The following CAP2 variants were observed in gnomAD, a reference collection of about 807,000 sequenced individuals.
CAP2 encodes cyclase associated actin cytoskeleton regulatory protein 2.
Under a neutral mutation model 57.7 loss-of-function variants are expected in CAP2, and 24 were observed. The ratio of observed to expected loss-of-function variants is 0.42; its 90% CI spans 0.30 to 0.58. The LOEUF is 0.58. Ranked by LOEUF, CAP2 falls within the 20% of genes least tolerant of loss-of-function variation. The pLI, the probability that CAP2 is intolerant of heterozygous loss-of-function variation, is 0.22. For synonymous variants in CAP2, 194 were observed against 207.2 expected (o/e 0.94, Z 0.55); for missense variants, 501 against 590.3 (o/e 0.85, Z 1.57).
chr6:17,541,226 C>A, intron 9 of CAP2, 78 bp downstream of exon 9: 1 of 1,136,834 alleles, frequency 8.8e-7, no homozygotes, highest in Non-Finnish European at 1.3e-6. Context: ...TTACCAAGAT[C>A]TGAAGGATTT....
intron 4 of CAP2, among the ~76,000 whole-genome samples, chr6:17,493,224 A>T (rs925464159): frequency 5.3e-5 from 8 of 152,156 alleles, no homozygotes; most frequent in African/African-American, 1.9e-4. Context: ...TGCCTGTTAC[A>T]TGACACTATG....
intron 7 of CAP2, among the ~76,000 whole-genome samples, chr6:17,532,203 C>T (rs181905303): frequency 4.9e-4 from 68 of 140,046 alleles, no homozygotes; most frequent in African/African-American, 1.7e-3. Flanking sequence ...TGCAGTGGCA[C>T]GATCTGGGAT....
intron 1 of CAP2, among the ~76,000 whole-genome samples, chr6:17,412,177 C>T (rs907871251): frequency 6.6e-6 from 1 of 152,116 alleles, no homozygotes; most frequent in Non-Finnish European, 1.5e-5. Context: ...ACTGGGCTCC[C>T]TCCTGCCTCA....
At chr6:17,538,751 T>C (rs1194352112) in intron 7 of CAP2, among the ~76,000 whole-genome samples, 1 of 152,210 alleles carries the variant, frequency 6.6e-6, no homozygotes, top group Non-Finnish European at 1.5e-5. Context: ...CAGGCATATT[T>C]GGAAAATCAG....
At chr6:17,524,924 G>A (rs1414189786) in intron 7 of CAP2, among the ~76,000 whole-genome samples, 37 of 127,082 alleles carry the variant, frequency 2.9e-4, no homozygotes, top group South Asian at 7.2e-4. Flanking sequence ...TTGGAGTTTC[G>A]CTCTTGTCAC....
At chr6:17,451,717 C>T (rs757860069) in intron 3 of CAP2, among the ~76,000 whole-genome samples, 12 of 152,068 alleles carry the variant, frequency 7.9e-5, no homozygotes, top group East Asian at 1.9e-4. Context: ...TCCATATTGA[C>T]CAGGCTGCTC....
chr6:17,461,104 G>A (rs930921575), intron 3 of CAP2, among the ~76,000 whole-genome samples: 2 of 151,808 alleles, frequency 1.3e-5, no homozygotes, highest in Non-Finnish European at 2.9e-5. Context: ...AACCAAGATT[G>A]CACCACTGCA....
chr6:17,493,053 G>A (rs552610834), intron 4 of CAP2, among the ~76,000 whole-genome samples: 6 of 152,122 alleles, frequency 3.9e-5, no homozygotes, highest in African/African-American at 9.7e-5. Flanking sequence ...TTTTCTTCAC[G>A]TGTGAATAAA....
intron 11 of CAP2, among the ~76,000 whole-genome samples, chr6:17,550,394 CTTTTTTTTTTTTTT>C (rs10557884): frequency 1.9e-5 from 1 of 52,012 alleles, no homozygotes; most frequent in Non-Finnish European, 3.4e-5. Context: ...CTACCCCTGC[CTTTTTTTTTTTTTT>C]TTTTTTTTTT....
At chr6:17,453,295 C>T (rs887002678) in intron 3 of CAP2, among the ~76,000 whole-genome samples, 4 of 152,174 alleles carry the variant, frequency 2.6e-5, no homozygotes. Context: ...TAGAACTTCT[C>T]TATTGAGGTC....
At chr6:17,463,114 C>A in intron 4 of CAP2, 41 bp downstream of exon 4, 1 of 1,410,724 alleles carries the variant, frequency 7.1e-7, no homozygotes, top group Non-Finnish European at 1.0e-6. Flanking sequence ...CCAGGGTATG[C>A]GCAGTGTAAG....
chr6:17,466,534 C>T (rs1405198285), intron 4 of CAP2, among the ~76,000 whole-genome samples: 4 of 152,190 alleles, frequency 2.6e-5, no homozygotes, highest in Non-Finnish European at 2.9e-5. Flanking sequence ...TCATTTCCAA[C>T]GGTCTCTAGA....
chr6:17,488,859 C>T (rs867542126), intron 4 of CAP2, among the ~76,000 whole-genome samples: 5 of 152,164 alleles, frequency 3.3e-5, no homozygotes, highest in African/African-American at 1.2e-4. Flanking sequence ...GAACATGGTG[C>T]ACCTGCTGCT....
intron 7 of CAP2, among the ~76,000 whole-genome samples, chr6:17,520,529 A>G (rs370903816): frequency 6.6e-6 from 1 of 152,212 alleles, no homozygotes; most frequent in African/African-American, 2.4e-5. Context: ...GGTTACAATT[A>G]TAGACAAGGT....
chr6:17,422,101 T>C (rs1449125742), intron 2 of CAP2, among the ~76,000 whole-genome samples: 1 of 152,250 alleles, frequency 6.6e-6, no homozygotes, highest in Non-Finnish European at 1.5e-5. Flanking sequence ...TTCATACTGC[T>C]GTCCCGCACT....
At chr6:17,449,935 A>G (rs763150290) in intron 3 of CAP2, among the ~76,000 whole-genome samples, 1 of 152,242 alleles carries the variant, frequency 6.6e-6, no homozygotes, top group Non-Finnish European at 1.5e-5. Context: ...TTGAATGCAC[A>G]TTAATATTCA....
intron 3 of CAP2, among the ~76,000 whole-genome samples, chr6:17,429,855 C>G (rs1402073234): frequency 6.6e-6 from 1 of 152,088 alleles, no homozygotes; most frequent in African/African-American, 2.4e-5. Flanking sequence ...TTGAACATGC[C>G]GTTTATTTTT....
chr6:17,508,614 C>T (rs1182376172), intron 6 of CAP2, among the ~76,000 whole-genome samples: 1 of 152,130 alleles, frequency 6.6e-6, no homozygotes, highest in Non-Finnish European at 1.5e-5. Flanking sequence ...TCCCTCTGAG[C>T]TCTTAGATGG....
intron 11 of CAP2, among the ~76,000 whole-genome samples, chr6:17,550,020 T>G (rs1763134140): frequency 6.6e-6 from 1 of 152,204 alleles, no homozygotes; most frequent in Admixed American, 6.5e-5. Flanking sequence ...GTTGGTAAGT[T>G]AATAAATAAA....
Sources: allele counts gnomAD v4.1 joint callset (sites outside exome capture counted in the v4.1 genomes callset), GRCh38; gene constraint gnomAD v4.1.1; transcripts MANE v1.5; gene names NCBI Gene and HGNC (gene_info 2026-07-23, HGNC 2026-07-21).